PCDHGA6: variants seen among roughly 807,000 people sequenced by gnomAD.
PCDHGA6 encodes the protein protocadherin gamma-A6.
A neutral mutation model predicts 60.6 loss-of-function variants in PCDHGA6; 41 were observed. That is an observed-to-expected ratio of 0.68 (90% CI 0.53 to 0.88). The LOEUF (loss-of-function observed/expected upper bound fraction) is 0.88. PCDHGA6 is among the 40% of genes least tolerant of loss of function. The pLI, the probability that PCDHGA6 is intolerant of heterozygous loss-of-function variation, is 0.00. For synonymous variants in PCDHGA6, 594 were observed against 524.4 expected, an observed-to-expected ratio of 1.13 and a Z score of -1.81; for missense variants, 1,312 against 1,203.0, an observed-to-expected ratio of 1.09 and a Z score of -1.34.
chr5:141,470,490 A>C (rs1193023083), intron 1 of PCDHGA6, among the ~76,000 whole-genome samples: 1 of 152,202 alleles, frequency 6.6e-6, no homozygotes, highest in African/African-American at 2.4e-5. Context: ...TCTGGGAATA[A>C]TATTAGGTAA....
rs913767837 is a variant in PCDHGA6, at chr5:141,491,909, C to T, written c.2425-2898C>T. 8.5e-6 allele frequency: 12 copies of T among 1,403,834 alleles called. No individual in the cohort carries two copies. Among genetic ancestry groups the T allele is most frequent in the Non-Finnish European group, 1.1e-5 (12 of 1,057,326 alleles). 87.0% of individuals were successfully genotyped at this position (1,403,834 alleles called of 1,614,324 possible). A position where few individuals can be genotyped will look rare whatever the true frequency, so the allele number is the denominator to read the frequency against. Reference sequence around the variant, plus strand: ...GGGCTCCGAGCACCGGGGGTGGTGGCGACTGTGGGCGAGGGGAGGTGGGAC... The same window carrying T: ...GGGCTCCGAGCACCGGGGGTGGTGGTGACTGTGGGCGAGGGGAGGTGGGAC... On this transcript the variant is annotated intron_variant, in intron 1 of 3. Transcript: ENST00000517434. The surrounding 1 kb of genome is among the most constrained non-coding windows in gnomAD (Gnocchi z 6.9).
chr5:141,418,105 G>A lies in PCDHGA6; in HGVS notation c.2424+41598G>A, dbSNP rs971913143. On this transcript the variant is annotated intron_variant, in intron 1 of 3. Transcript: ENST00000517434. ...ACTTCAGCGTAGACGCGCAGAGCGG[G>A]GACTTACTTGTGAAGGACCGAATAG... 5 of 1,614,062 alleles carry A rather than the reference G, an allele frequency of 3.1e-6. No homozygotes were observed. The East Asian group carries it at 8.9e-5, about 29-fold the overall frequency.
chr5:141,391,821 T>G (rs2092426299), intron 1 of PCDHGA6: 1 of 152,220 alleles, frequency 6.6e-6, no homozygotes, highest in African/African-American at 2.4e-5. Flanking sequence ...GTAGGTAAAG[T>G]TAATTTTAGA....
chr5:141,460,608 T>A (rs2098993153), intron 1 of PCDHGA6, among the ~76,000 whole-genome samples: 1 of 152,186 alleles, frequency 6.6e-6, no homozygotes, highest in Non-Finnish European at 1.5e-5. Context: ...CTGTGTTAGA[T>A]GGATAGATAG....
Position 141,423,964 on chromosome 5 carries a change from A to G in PCDHGA6, c.2424+47457A>G, listed in dbSNP as rs569611136. On this transcript the variant is annotated intron_variant, in intron 1 of 3. Coordinates refer to ENST00000517434, the MANE Select transcript of PCDHGA6 (RefSeq NM_018919.3). ...AGTTGAATTTTAGTATTATTTTTCT[A>G]TTATCAGTGTATGAGGCTCTCAATT... The G allele has an allele frequency of 5.2e-5, 61 of 1,163,648 alleles. 2 individuals carry two copies. In the South Asian group the frequency reaches 1.7e-3, roughly 32 times the overall value. 72.1% of individuals were successfully genotyped at this position (1,163,648 alleles called of 1,614,324 possible).
At chr5:141,462,539 T>G (rs2099042077) in intron 1 of PCDHGA6, among the ~76,000 whole-genome samples, 1 of 152,184 alleles carries the variant, frequency 6.6e-6, no homozygotes, top group African/African-American at 2.4e-5. Flanking sequence ...TTCAGTGATC[T>G]TTTCTTCTTC....
chr5:141,420,252 C>G (rs745697672), intron 1 of PCDHGA6: 2 of 1,576,604 alleles, frequency 1.3e-6, no homozygotes, highest in Non-Finnish European at 1.7e-6. Flanking sequence ...AGCGTTGAAG[C>G]AGATAAGAAG....
At position 141,477,532 on chromosome 5, in the gene PCDHGA6, CG is replaced by C; in HGVS notation, c.2425-17271del. 6.2e-7 allele frequency: 1 copy of C among 1,614,146 alleles called. No individual in the cohort carries two copies. The highest frequency in any genetic ancestry group is 8.5e-7 in the Non-Finnish European group (1 of 1,180,028). Reference sequence around the variant, plus strand: ...TTTACATTGAAGAAAACAACCTCCCCGGGGCTCCAATACTAAACCTAAGTGT... The same window carrying C: ...TTTACATTGAAGAAAACAACCTCCCCGGGCTCCAATACTAAACCTAAGTGT... On this transcript the variant is annotated intron_variant, in intron 1 of 3. Transcript: ENST00000517434. This position sits in a 1 kb window ranked among gnomAD's most constrained non-coding sequence, Gnocchi z 4.9.
chr5:141,429,376 T>TG (rs2097206796), intron 1 of PCDHGA6, among the ~76,000 whole-genome samples: 1 of 144,558 alleles, frequency 6.9e-6, no homozygotes, highest in Non-Finnish European at 1.5e-5. Context: ...GGAGAAAATG[T>TG]GTTTTTTTTT....
At chr5:141,427,132 G>T (rs755992698) in intron 1 of PCDHGA6, 1 of 457,106 alleles carries the variant, frequency 2.2e-6, no homozygotes, top group Non-Finnish European at 4.4e-6. Context: ...AAATCCCTAC[G>T]AGATGATATT....
chr5:141,405,353 A>G lies in PCDHGA6; in HGVS notation c.2424+28846A>G, dbSNP rs187461819. 6.9e-5 allele frequency: 112 copies of G among 1,614,026 alleles called. No homozygotes were observed. Among genetic ancestry groups the G allele is most frequent in the Admixed American group, 5.8e-4 (35 of 60,010 alleles). On this transcript the variant is annotated intron_variant, in intron 1 of 3. Coordinates refer to ENST00000517434, the MANE Select transcript of PCDHGA6 (RefSeq NM_018919.3). Reference sequence around the variant, plus strand: ...CGTCTCTGTTGATTCCAAGTTTCCTATAGAAGACACCCCTTTGGTTCCGGT... The same window carrying G: ...CGTCTCTGTTGATTCCAAGTTTCCTGTAGAAGACACCCCTTTGGTTCCGGT...
chr5:141,399,529 G>T (rs946281582), intron 1 of PCDHGA6: 3 of 1,614,010 alleles, frequency 1.9e-6, no homozygotes, highest in Non-Finnish European at 2.5e-6. Flanking sequence ...GGCCTCCATC[G>T]CGCAAGTCTG....
chr5:141,447,966 A>C (rs2098556806), intron 1 of PCDHGA6, among the ~76,000 whole-genome samples: 1 of 151,922 alleles, frequency 6.6e-6, no homozygotes, highest in Non-Finnish European at 1.5e-5. Context: ...GACACCTATA[A>C]TCCCAGCTAC....
rs1349189547 is a variant in PCDHGA6 at position 141,432,777 on chromosome 5, C to T, written c.2424+56270C>T. Reference sequence around the variant, plus strand: ...GCCGACAGCATCCCCCAAGTCCTGGCGGACCTCGGCAGCCTCGAGTCTCCA... The same window carrying T: ...GCCGACAGCATCCCCCAAGTCCTGGTGGACCTCGGCAGCCTCGAGTCTCCA... On this transcript the variant is annotated intron_variant, in intron 1 of 3. Coordinates refer to ENST00000517434, the MANE Select transcript of PCDHGA6 (RefSeq NM_018919.3). This position sits in a 1 kb window ranked among gnomAD's most constrained non-coding sequence, Gnocchi z 6.0. The T allele has an allele frequency of 6.2e-6, 10 of 1,614,154 alleles. No individual in the cohort carries two copies. The highest frequency in any genetic ancestry group is 7.6e-6 in the Non-Finnish European group (9 of 1,179,992).
chr5:141,484,230 G>A (rs1325484143), intron 1 of PCDHGA6, among the ~76,000 whole-genome samples: 2 of 152,174 alleles, frequency 1.3e-5, no homozygotes, highest in Non-Finnish European at 2.9e-5. Flanking sequence ...CAGGTAAAGA[G>A]ATCTGGTCCT....
intron 1 of PCDHGA6, among the ~76,000 whole-genome samples, chr5:141,480,386 A>G (rs966068994): frequency 6.6e-6 from 1 of 151,826 alleles, no homozygotes; most frequent in Non-Finnish European, 1.5e-5. Context: ...CTACACTTCA[A>G]CCATGGCAAT....
rs779191558 is a variant in PCDHGA6 at position 141,491,465 on chromosome 5, A to T, written c.2425-3342A>T. 3.1e-6 allele frequency: 5 copies of T among 1,614,092 alleles called. No homozygotes were observed. Among genetic ancestry groups the T allele is most frequent in the Non-Finnish European group, 4.2e-6 (5 of 1,180,010 alleles). On this transcript the variant is annotated intron_variant, in intron 1 of 3. Transcript: ENST00000517434. The surrounding 1 kb of genome is among the most constrained non-coding windows in gnomAD (Gnocchi z 6.9). ...CAGGACTCACCCTCCCCGGACTTCT[A>T]TAAGCAGTCCAGCCCCAACCTGCAG... is the stretch of plus-strand genomic sequence containing the variant.
intron 1 of PCDHGA6, chr5:141,478,167 G>A: frequency 6.2e-7 from 1 of 1,613,772 alleles, no homozygotes; most frequent in Non-Finnish European, 8.5e-7. Context: ...TCTGCCCCCC[G>A]GGAGCAGAAA....
Position 141,485,567 on chromosome 5 carries a change from C to G in PCDHGA6, c.2425-9240C>G. The stretch of plus-strand genomic sequence containing the variant: ...CGTAGATGTGAATGATCACGCCCCC[C>G]GTTTTCCGCGGCAGCAGCTGGACTT... On this transcript the variant is annotated intron_variant, in intron 1 of 3. Transcript: ENST00000517434. This position sits in a 1 kb window ranked among gnomAD's most constrained non-coding sequence, Gnocchi z 5.7. 1 of 1,612,882 alleles carries G rather than the reference C, an allele frequency of 6.2e-7. No individual in the cohort carries two copies. The highest frequency in any genetic ancestry group is 8.5e-7 in the Non-Finnish European group (1 of 1,178,978).
Sources: allele counts gnomAD v4.1 joint callset (sites outside exome capture counted in the v4.1 genomes callset), GRCh38; gene constraint gnomAD v4.1.1; non-coding constraint Gnocchi (gnomAD v3.1); transcripts MANE v1.5; gene names NCBI Gene and HGNC (gene_info 2026-07-23, HGNC 2026-07-21).